SYCP2: variants seen among roughly 807,000 people sequenced by gnomAD.
SYCP2 encodes the protein synaptonemal complex protein 2.
A neutral mutation model predicts 211.3 loss-of-function variants in SYCP2; 55 were observed. The ratio of observed to expected loss-of-function variants is 0.26; its 90% CI spans 0.21 to 0.33. The LOEUF is 0.33. Ranked by LOEUF, SYCP2 falls within the 10% of genes least tolerant of loss-of-function variation. The pLI is 1.00. For missense variants in SYCP2, 1,731 were observed against 1,752.0 expected (o/e 0.99, Z 0.21); for synonymous variants, 570 against 555.2 (o/e 1.03, Z -0.37).
In SYCP2 at chr20:59,891,991, A is replaced by ATTTT; in HGVS notation, c.2359_2362dup (p.Met788LysfsTer24). On this transcript the variant is annotated frameshift_variant and splice_region_variant, in exon 24 of 45. Transcript: ENST00000357552. LOFTEE classifies it high-confidence loss of function. ...AATCAAAACACATTGAAAGCTCACC[A>ATTTT]TTTTTTTTTGTTTCGAATCCCAGGA... is the stretch of plus-strand genomic sequence containing the variant. The ATTTT allele has an allele frequency of 6.5e-7, 1 of 1,550,118 alleles. No homozygotes were observed. Among genetic ancestry groups the ATTTT allele is most frequent in the Non-Finnish European group, 8.7e-7 (1 of 1,146,546 alleles).
chr20:59,870,720 T>C (rs933339820), intron 35 of SYCP2, among the ~76,000 whole-genome samples: 10 of 151,762 alleles, frequency 6.6e-5, no homozygotes, highest in African/African-American at 2.2e-4. Context: ...ACCCTATAAA[T>C]GTAAAATGAC....
intron 3 of SYCP2, among the ~76,000 whole-genome samples, chr20:59,921,674 A>C (rs2060543998): frequency 6.6e-6 from 1 of 151,524 alleles, no homozygotes; most frequent in African/African-American, 2.4e-5. Flanking sequence ...ATATTTTATT[A>C]ATATTTCCAA....
chr20:59,874,118 G>T, intron 34 of SYCP2, 57 bp from the exon 35 acceptor site: 2 of 884,908 alleles, frequency 2.3e-6, no homozygotes, highest in Non-Finnish European at 3.3e-6. Flanking sequence ...ATTGATGTCT[G>T]CTTTAGAAAT....
chr20:59,885,840 T>C, intron 26 of SYCP2, 88 bp downstream of exon 26: 1 of 1,004,214 alleles, frequency 1.0e-6, no homozygotes, highest in Non-Finnish European at 1.5e-6. Context: ...CGTATCAAAT[T>C]CCATTTTACC....
At chr20:59,919,708 A>G in intron 5 of SYCP2, 111 bp from the exon 6 acceptor site, 1 of 550,642 alleles carries the variant, frequency 1.8e-6, no homozygotes, top group Non-Finnish European at 3.1e-6. Context: ...CAAAATTAAA[A>G]TTTTAGTGTT....
chr20:59,900,726 A>G lies in SYCP2; in HGVS notation c.1257+18T>C. On this transcript the variant is annotated intron_variant, in intron 17 of 44. Transcript: ENST00000357552. The stretch of plus-strand genomic sequence containing the variant: ...AAACTTAGCCCAGTGATAAAAATCA[A>G]GTAAGTCTGAGACATACCTGTGATC... 5 of 1,606,112 alleles carry G rather than the reference A, an allele frequency of 3.1e-6. No homozygotes were observed. The highest frequency in any genetic ancestry group is 4.3e-6 in the Non-Finnish European group (5 of 1,174,138).
chr20:59,933,049 G>A (rs2060797962), intron 1 of SYCP2, among the ~76,000 whole-genome samples: 1 of 152,030 alleles, frequency 6.6e-6, no homozygotes, highest in African/African-American at 2.4e-5. Flanking sequence ...ACACACCCGA[G>A]ATGCGCCCCA....
At chr20:59,930,028 T>C (rs1183215245) in intron 2 of SYCP2, among the ~76,000 whole-genome samples, 1 of 152,124 alleles carries the variant, frequency 6.6e-6, no homozygotes, top group Non-Finnish European at 1.5e-5. Context: ...GCGCTCTATA[T>C]AGTGTAATCT....
In SYCP2 at chr20:59,925,760, G is replaced by A. The variant is rs142569025; in HGVS notation, c.-46-3301C>T. 2.3e-3 allele frequency among the ~76,000 whole-genome samples: 352 copies of A among 152,024 alleles called. 1 individual carries two copies. The highest frequency in any genetic ancestry group is 8.2e-3 in the African/African-American group (339 of 41,498). On this transcript the variant is annotated intron_variant, in intron 2 of 44. Transcript: ENST00000357552. ...AGGGAAGATTTCCTCATCAAACAGA[G>A]GATTACTGGGACTACTACTGCTCCC...
At chr20:59,911,132 C>T (rs754375201) in intron 14 of SYCP2, among the ~76,000 whole-genome samples, 2 of 152,074 alleles carry the variant, frequency 1.3e-5, no homozygotes, top group African/African-American at 2.4e-5. Context: ...TTTTGGCAAA[C>T]GGACTGCATA....
intron 2 of SYCP2, among the ~76,000 whole-genome samples, chr20:59,929,017 C>G (rs6064863): frequency 0.019 from 2,950 of 151,650 alleles, 40 homozygotes; most frequent in Middle Eastern, 0.041. Context: ...GAATAAGAGA[C>G]TAAGGATTAA....
chr20:59,912,432 T>A lies in SYCP2; in HGVS notation c.831-14A>T. On this transcript the variant is annotated splice_polypyrimidine_tract_variant and intron_variant, in intron 12 of 44. Transcript: ENST00000357552. ...AATGTAAAGACCCTGAAATAAAAAG[T>A]AGTTTAAGAAAAAAATAAATAAGCT... 1 of 996,628 alleles carries A rather than the reference T, an allele frequency of 1.0e-6. No homozygotes were observed. The highest frequency in any genetic ancestry group is 1.7e-5 in the African/African-American group (1 of 59,540). 61.7% of individuals were successfully genotyped at this position (996,628 alleles called of 1,614,324 possible).
intron 20 of SYCP2, among the ~76,000 whole-genome samples, chr20:59,894,756 C>G (rs2059976052): frequency 1.3e-5 from 2 of 151,996 alleles, no homozygotes; most frequent in African/African-American, 4.8e-5. Context: ...AAAACAAAAG[C>G]TATTAGATGT....
At chr20:59,871,965 T>A (rs1189383021) in intron 35 of SYCP2, among the ~76,000 whole-genome samples, 2 of 151,990 alleles carry the variant, frequency 1.3e-5, no homozygotes, top group African/African-American at 4.8e-5. Flanking sequence ...TGTGTGAATT[T>A]CACTAGTGTG....
chr20:59,879,709 A>T (rs2059629330), intron 31 of SYCP2, among the ~76,000 whole-genome samples: 1 of 150,420 alleles, frequency 6.6e-6, no homozygotes, highest in African/African-American at 2.4e-5. Context: ...AAAAAAAAAA[A>T]TCTGGAAGAA....
chr20:59,887,486 T>G (rs144900265), intron 24 of SYCP2, among the ~76,000 whole-genome samples: 4,014 of 152,230 alleles, frequency 0.026, 185 homozygotes, highest in African/African-American at 0.092. Flanking sequence ...ATAGCAGCAT[T>G]ATTTATAATC....
chr20:59,884,497 G>T (rs2059748616), intron 26 of SYCP2, among the ~76,000 whole-genome samples: 1 of 151,302 alleles, frequency 6.6e-6, no homozygotes, highest in South Asian at 2.1e-4. Context: ...GAAATAATTA[G>T]TAAGTTAGAA....
In SYCP2 at chr20:59,900,312, T is replaced by C. The variant is rs145771388; in HGVS notation, c.1258-28A>G. The C allele has an allele frequency of 1.7e-3, 2,575 of 1,549,480 alleles. 1 individual carries two copies. The highest frequency in any genetic ancestry group is 2.0e-3 in the Non-Finnish European group (2,295 of 1,154,220). ...GTTGGAGAATATGAAAAAAAAAGTA[T>C]TTAAAACTGCAAACCACAGAAAGTA... On this transcript the variant is annotated intron_variant, in intron 17 of 44. Transcript: ENST00000357552.
chr20:59,911,846 CT>C lies in SYCP2; in HGVS notation c.877-2del. 1 of 1,524,814 alleles carries C rather than the reference CT, an allele frequency of 6.6e-7. No homozygotes were observed. The allele number at this position is 1,524,814 out of a possible 1,614,324, so 94.5% of individuals were successfully genotyped here. Reference sequence around the variant, plus strand: ...GTTTTTCATCTGATGGTATTTGCAGCTAATAAAATAAACATACAAAACTGGA... The same window carrying C: ...GTTTTTCATCTGATGGTATTTGCAGCAATAAAATAAACATACAAAACTGGA... On this transcript the variant is annotated splice_acceptor_variant, in intron 13 of 44. Coordinates refer to ENST00000357552, the MANE Select transcript of SYCP2 (RefSeq NM_014258.4). LOFTEE classifies it high-confidence loss of function.
Sources: gnomAD v4.1 joint callset for allele counts (sites outside exome capture counted in the v4.1 genomes callset) on GRCh38, gnomAD v4.1.1 for gene constraint, MANE v1.5 for transcripts, NCBI Gene and HGNC (gene_info 2026-07-23, HGNC 2026-07-21) for gene names.